PCDHA3: variants seen among roughly 807,000 people sequenced by gnomAD.
PCDHA3 encodes the protein protocadherin alpha-3.
PCDHA3 carries 41 observed loss-of-function variants against 62.2 expected under a neutral mutation model. That is an observed-to-expected ratio of 0.66 (90% CI 0.51 to 0.86). The LOEUF is 0.86. PCDHA3 is among the 40% of genes least tolerant of loss of function. PCDHA3 has a pLI of 0.00. For missense variants in PCDHA3, 1,304 were observed against 1,241.2 expected (o/e 1.05, Z -0.76); for synonymous variants, 640 against 555.4 (o/e 1.15, Z -2.14).
At chr5:140,877,987 CT>C (rs2057428803) in intron 1 of PCDHA3, 14 of 1,151,184 alleles carry the variant, frequency 1.2e-5, no homozygotes, top group Non-Finnish European at 1.6e-5. Context: ...TCATTTTGAA[CT>C]TTTATGTATT....
chr5:140,823,018 G>C (rs1386534416), intron 1 of PCDHA3: 1 of 1,614,236 alleles, frequency 6.2e-7, no homozygotes, highest in Non-Finnish European at 8.5e-7. Context: ...CCTGGACCGC[G>C]AGAGCGTGTC....
chr5:140,938,828 G>A (rs570802606), intron 1 of PCDHA3, among the ~76,000 whole-genome samples: 84 of 152,072 alleles, frequency 5.5e-4, no homozygotes, highest in Admixed American at 1.4e-3. Context: ...ATGAGTTTGC[G>A]TTATAACAAA....
intron 1 of PCDHA3, among the ~76,000 whole-genome samples, chr5:140,878,484 A>G (rs1285844908): frequency 6.6e-6 from 1 of 152,190 alleles, no homozygotes; most frequent in African/African-American, 2.4e-5. Flanking sequence ...CAATTTAAAA[A>G]TATTTAACCA....
At chr5:140,835,755 C>G (rs782724807) in intron 1 of PCDHA3, 1 of 1,613,410 alleles carries the variant, frequency 6.2e-7, no homozygotes, top group Non-Finnish European at 8.5e-7. Flanking sequence ...GTTCGCGCAG[C>G]CCGAGTATAC....
intron 1 of PCDHA3, chr5:140,858,627 T>A: frequency 1.8e-6 from 2 of 1,097,414 alleles, no homozygotes; most frequent in South Asian, 1.7e-5. Flanking sequence ...ACCCAGTGTG[T>A]CAGCCTTTGA....
chr5:140,841,713 C>T, intron 1 of PCDHA3: 1 of 1,613,888 alleles, frequency 6.2e-7, no homozygotes, highest in Non-Finnish European at 8.5e-7. Context: ...GACAACCCGC[C>T]AGTGTTCCGG....
intron 1 of PCDHA3, among the ~76,000 whole-genome samples, chr5:140,916,378 A>C (rs772984424): frequency 6.6e-6 from 1 of 152,158 alleles, no homozygotes; most frequent in Non-Finnish European, 1.5e-5. Flanking sequence ...TGTAGCCACC[A>C]CAACTAGGAA....
chr5:140,829,308 C>T (rs2150165692), intron 1 of PCDHA3: 15 of 1,614,240 alleles, frequency 9.3e-6, no homozygotes, highest in East Asian at 2.2e-5. Flanking sequence ...AATTACTACT[C>T]GTTGGTGCTG....
Position 140,829,741 on chromosome 5 carries a change from G to A in PCDHA3, c.2394+26150G>A. The A allele has an allele frequency of 1.9e-6, 3 of 1,613,668 alleles. No homozygotes were observed. The South Asian group carries it at 3.3e-5, about 18-fold the overall frequency. On this transcript the variant is annotated intron_variant, in intron 1 of 3. Transcript: ENST00000522353. ...TGCCGCCTCTGGGCAGCAACGTGACGCTGCAGGTGTTCGTGCTGGACGAGA... is the reference window on the plus strand; with the variant it reads ...TGCCGCCTCTGGGCAGCAACGTGACACTGCAGGTGTTCGTGCTGGACGAGA...
At position 140,853,954 on chromosome 5, in the gene PCDHA3, C is replaced by G. The variant is rs889937140; in HGVS notation, c.2394+50363C>G. The G allele has an allele frequency of 6.5e-5, 49 of 756,134 alleles. 3 individuals are homozygous for G. In the Middle Eastern group the frequency reaches 2.0e-3, roughly 31 times the overall value. The allele number at this position is 756,134 out of a possible 1,614,324, so 46.8% of individuals were successfully genotyped here. On this transcript the variant is annotated intron_variant, in intron 1 of 3. Coordinates refer to ENST00000522353, the MANE Select transcript of PCDHA3 (RefSeq NM_018906.3). The stretch of plus-strand genomic sequence containing the variant: ...GAGGCCAAGGTGGGAGGGTCCCTTC[C>G]TTGAGCCCAGCAGTTTGAGACCAAT...
chr5:140,836,399 C>T (rs2150259749), intron 1 of PCDHA3: 3 of 1,613,764 alleles, frequency 1.9e-6, no homozygotes, highest in Admixed American at 3.3e-5. Flanking sequence ...TGGTGGAAAG[C>T]GGCCAGGCAC....
chr5:140,982,538 G>C lies in PCDHA3; in HGVS notation c.2517G>C (p.Trp839Cys), dbSNP rs782094765. The change falls in exon 3 of 4, where the codon TGG becomes TGC. Residue 839 changes from tryptophan to cysteine, a missense_variant. Coordinates refer to ENST00000522353, the MANE Select transcript of PCDHA3 (RefSeq NM_018906.3). ...GTCCAGGAGGGCCTGATCAGCAGTG[G>C]CCAACAGTATCCAGTGCAACACCAG... ...RAGPGGPDQQ[W>C]PTVSSATPEP... 1 of 1,614,166 alleles carries C rather than the reference G, an allele frequency of 6.2e-7. No individual in the cohort carries two copies.
intron 1 of PCDHA3, among the ~76,000 whole-genome samples, chr5:140,974,883 C>T (rs1188748856): frequency 1.3e-5 from 2 of 152,154 alleles, no homozygotes; most frequent in Non-Finnish European, 2.9e-5. Context: ...CTATGTATCC[C>T]TTTTCTGATG....
chr5:140,928,569 GCCCAGAAATGGTTCTGT>G, intron 1 of PCDHA3: 1 of 1,614,202 alleles, frequency 6.2e-7, no homozygotes, highest in Non-Finnish European at 8.5e-7. Flanking sequence ...TGTTTCCCTT[GCCCAGAAATGGTTCTGT>G]CCCAGTGGAA....
chr5:140,842,938 C>T (rs2150348159), intron 1 of PCDHA3: 14 of 1,594,434 alleles, frequency 8.8e-6, no homozygotes, highest in South Asian at 5.5e-5. Context: ...GCGCGCGCGA[C>T]GCGGGCGTGC....
intron 1 of PCDHA3, chr5:140,870,354 G>T: frequency 6.2e-7 from 1 of 1,614,226 alleles, no homozygotes; most frequent in Non-Finnish European, 8.5e-7. Context: ...GCGAGAACGT[G>T]TGGGCCTATG....
chr5:140,810,167 A>T (rs1460461101), intron 1 of PCDHA3: 2 of 152,314 alleles, frequency 1.3e-5, no homozygotes, highest in Non-Finnish European at 2.9e-5. Context: ...ATGTTGTTAT[A>T]TGTAGTTGTA....
At chr5:140,851,273 G>C in intron 1 of PCDHA3, 1 of 1,057,916 alleles carries the variant, frequency 9.5e-7, no homozygotes, top group African/African-American at 1.7e-5. Flanking sequence ...TACTTGTATT[G>C]TTTATAAGAA....
At chr5:140,961,872 G>A (rs2095639337) in intron 1 of PCDHA3, among the ~76,000 whole-genome samples, 1 of 151,532 alleles carries the variant, frequency 6.6e-6, no homozygotes, top group Non-Finnish European at 1.5e-5. Flanking sequence ...ACAGATAATT[G>A]ACTTACTTAC....
Sources: allele counts gnomAD v4.1 joint callset (sites outside exome capture counted in the v4.1 genomes callset), GRCh38; gene constraint gnomAD v4.1.1; transcripts MANE v1.5; gene names NCBI Gene and HGNC (gene_info 2026-07-23, HGNC 2026-07-21).